APOL4: variants seen among roughly 807,000 people sequenced by gnomAD.
The protein encoded by APOL4 is apolipoprotein L4, also known as apolipoprotein L, 4.
APOL4 carries 14 observed loss-of-function variants against 12.1 expected under a neutral mutation model. The observed-to-expected ratio is 1.16, with a 90% CI of 0.76 to 1.81. The LOEUF (loss-of-function observed/expected upper bound fraction) is 1.81, where lower values mean the gene tolerates loss of function less well. Among genes scored for constraint, APOL4 ranks in the 40% most tolerant of loss-of-function variants. The pLI is 0.00. For missense variants in APOL4, 432 were observed against 423.1 expected, an observed-to-expected ratio of 1.02 and a Z score of -0.18; for synonymous variants, 171 against 160.6, an observed-to-expected ratio of 1.06 and a Z score of -0.49.
intron 2 of APOL4, 52 bp downstream of exon 2, chr22:36,199,278 G>A: frequency 6.2e-7 from 1 of 1,609,258 alleles, no homozygotes; most frequent in Non-Finnish European, 8.5e-7. Flanking sequence ...GTAGGAACCA[G>A]CCAGGGAAGA....
chr22:36,195,770 TCTCTCTCACACACACA>T (rs1196564410), intron 2 of APOL4, among the ~76,000 whole-genome samples: 2 of 90,242 alleles, frequency 2.2e-5, no homozygotes, highest in African/African-American at 8.8e-5. Flanking sequence ...TCTCTCTCTC[TCTCTCTCACACACACA>T]CACACACACA....
At position 36,199,355 on chromosome 22, in the gene APOL4, G is replaced by A; in HGVS notation, c.57C>T (p.Gly19=). 6.2e-7 allele frequency: 1 copy of A among 1,614,102 alleles called. No homozygotes were observed. Among genetic ancestry groups the A allele is most frequent in the Non-Finnish European group, 8.5e-7 (1 of 1,179,924 alleles). Residue 19 remains glycine (G), a synonymous_variant, in exon 2 of 4, where the codon GGC becomes GGT. Coordinates refer to ENST00000683024, the MANE Select transcript of APOL4 (RefSeq NM_001386885.1). ...TSVGVQQNHP[G]WTVAGQFQEK... ...CTTGGAACTGTCCAGCCACTGTCCA[G>A]CCTGGATGGTTTTGCTGCACCCTTG...
At chr22:36,202,744 A>AAAGAAAAAG (rs2014623201), upstream of APOL4, among the ~76,000 whole-genome samples, 1 of 151,532 alleles carries the variant, frequency 6.6e-6, no homozygotes, top group Non-Finnish European at 1.5e-5. Context: ...GAAAAAAAAA[A>AAAGAAAAAG]AAAGAAAAAG....
Position 36,199,377 on chromosome 22 carries a change from C to A in APOL4, c.36-1G>T. 6.2e-7 allele frequency: 1 copy of A among 1,614,036 alleles called. No homozygotes were observed. On this transcript the variant is annotated splice_acceptor_variant, in intron 1 of 3. Coordinates refer to ENST00000683024, the MANE Select transcript of APOL4 (RefSeq NM_001386885.1). LOFTEE classifies it high-confidence loss of function. Reference sequence around the variant, plus strand: ...CCAGCCTGGATGGTTTTGCTGCACCCTTGAGGAAGAGAAAACAAATTGTGG... The same window carrying A: ...CCAGCCTGGATGGTTTTGCTGCACCATTGAGGAAGAGAAAACAAATTGTGG...
intron 3 of APOL4, 29 bp downstream of exon 3, chr22:36,195,282 C>T (rs2014370550): frequency 7.5e-6 from 12 of 1,605,202 alleles, no homozygotes; most frequent in Non-Finnish European, 9.4e-6. Context: ...CACCGGGGTG[C>T]CCCAAGGAGG....
intron 1 of APOL4, chr22:36,201,436 G>A (rs1451123105): frequency 4.2e-6 from 4 of 951,460 alleles, no homozygotes; most frequent in Non-Finnish European, 5.8e-6. Flanking sequence ...CTGTCTTCTG[G>A]GGCCCCCATG....
At chr22:36,195,009 A>G (rs1308834060) in intron 3 of APOL4, 4 of 262,612 alleles carry the variant, frequency 1.5e-5, no homozygotes, top group Non-Finnish European at 2.9e-5. Context: ...TTTTCTCACA[A>G]TAAAGCTCAA....
intron 2 of APOL4, among the ~76,000 whole-genome samples, chr22:36,196,023 C>T (rs1466526953): frequency 6.6e-6 from 1 of 152,184 alleles, no homozygotes; most frequent in Non-Finnish European, 1.5e-5. Context: ...CAGGGAAGTG[C>T]CACGATGCTT....
At chr22:36,195,122 C>T (rs1221885948) in intron 3 of APOL4, 189 bp downstream of exon 3, 3 of 658,490 alleles carry the variant, frequency 4.6e-6, no homozygotes, top group Non-Finnish European at 7.1e-6. Flanking sequence ...CTTCTCCCCT[C>T]AGCCTGAGGT....
At chr22:36,202,949 G>C (rs1341555895), upstream of APOL4, among the ~76,000 whole-genome samples, 1 of 152,094 alleles carries the variant, frequency 6.6e-6, no homozygotes, top group Non-Finnish European at 1.5e-5. Flanking sequence ...GAAGAAAAAC[G>C]GGTGATTTTA....
At chr22:36,196,851 A>G (rs532106769) in intron 2 of APOL4, among the ~76,000 whole-genome samples, 1 of 152,344 alleles carries the variant, frequency 6.6e-6, no homozygotes, top group East Asian at 1.9e-4. Flanking sequence ...TATTTAAAAA[A>G]TGCCTGTGGT....
chr22:36,199,685 C>G, intron 1 of APOL4: 1 of 1,524,544 alleles, frequency 6.6e-7, no homozygotes, highest in Non-Finnish European at 8.9e-7. Context: ...AGTCTATACG[C>G]AGAAATAGAG....
At chr22:36,199,513 C>G in intron 1 of APOL4, 137 bp from the exon 2 acceptor site, 1 of 1,606,318 alleles carries the variant, frequency 6.2e-7, no homozygotes, top group Non-Finnish European at 8.5e-7. Flanking sequence ...GATTCTTTCT[C>G]TATCACCAAG....
At chr22:36,196,222 T>C (rs1053800202) in intron 2 of APOL4, among the ~76,000 whole-genome samples, 1 of 152,218 alleles carries the variant, frequency 6.6e-6, no homozygotes, top group Non-Finnish European at 1.5e-5. Flanking sequence ...AATAGTTCAT[T>C]GTGTCAAGAG....
intron 2 of APOL4, among the ~76,000 whole-genome samples, chr22:36,195,770 TCTCTCTCACA>T (rs1161783516): frequency 1.4e-3 from 126 of 90,208 alleles, no homozygotes; most frequent in Admixed American, 5.1e-3. Flanking sequence ...TCTCTCTCTC[TCTCTCTCACA>T]CACACACACA....
Position 36,189,476 on chromosome 22 carries a change from C to G in APOL4, c.*1599G>C, listed in dbSNP as rs115055989. Reference sequence around the variant, plus strand: ...AGCCACTGGCTGACTCAGATACACCCCCGGGAGGACAAGGGAGAGTGGATG... The same window carrying G: ...AGCCACTGGCTGACTCAGATACACCGCCGGGAGGACAAGGGAGAGTGGATG... On this transcript the variant is annotated 3_prime_UTR_variant, in exon 4 of 4. Transcript: ENST00000683024. 1 of 152,366 alleles carries G rather than the reference C, an allele frequency of 6.6e-6. No individual in the cohort carries two copies. Among genetic ancestry groups the G allele is most frequent in the Admixed American group, 6.5e-5 (1 of 15,274 alleles). The allele number at this position is 152,366 out of a possible 1,614,324, so 9.4% of individuals were successfully genotyped here.
At position 36,201,601 on chromosome 22, in the gene APOL4, G is replaced by C. The variant is rs928986175; in HGVS notation, c.35+99C>G. ...GCTTTGTTCACTGTGTGACCCCCTA[G>C]GCCAAGGCAACCATCTCAACACCAT... is the stretch of plus-strand genomic sequence containing the variant. On this transcript the variant is annotated intron_variant, in intron 1 of 3. Coordinates refer to ENST00000683024, the MANE Select transcript of APOL4 (RefSeq NM_001386885.1). 3.3e-5 allele frequency: 37 copies of C among 1,131,154 alleles called. 2 individuals are homozygous for C. Among genetic ancestry groups the C allele is most frequent in the Non-Finnish European group, 4.4e-5 (37 of 838,244 alleles). The allele number at this position is 1,131,154 out of a possible 1,614,324, so 70.1% of individuals were successfully genotyped here.
intron 1 of APOL4, 146 bp downstream of exon 1, chr22:36,201,554 G>A: frequency 3.3e-6 from 4 of 1,201,368 alleles, no homozygotes; most frequent in Non-Finnish European, 4.6e-6. Context: ...ACAGGAGAGG[G>A]GCATCCCTTC....
At chr22:36,192,363 C>G (rs765509749) in intron 3 of APOL4, among the ~76,000 whole-genome samples, 15 of 152,056 alleles carry the variant, frequency 9.9e-5, no homozygotes, top group Non-Finnish European at 2.1e-4. Flanking sequence ...AATAATAATT[C>G]TACTCAAGGT....
Sources: gnomAD v4.1 joint callset for allele counts (sites outside exome capture counted in the v4.1 genomes callset) on GRCh38, gnomAD v4.1.1 for gene constraint, MANE v1.5 for transcripts, NCBI Gene and HGNC (gene_info 2026-07-23, HGNC 2026-07-21) for gene names.